The following VMP1 variants were observed in gnomAD, a reference collection of about 807,000 sequenced individuals.
VMP1 encodes ectopic P-granules autophagy protein 3 homolog.
A neutral mutation model predicts 56.0 loss-of-function variants in VMP1; 11 were observed. The ratio of observed to expected loss-of-function variants is 0.20; its 90% CI spans 0.12 to 0.32. The LOEUF (loss-of-function observed/expected upper bound fraction) is 0.32, where lower values mean the gene tolerates loss of function less well. Among genes scored for constraint, VMP1 ranks in the 10% least tolerant of loss-of-function variants. The pLI is 1.00. For missense variants in VMP1, 296 were observed against 490.3 expected (o/e 0.60, Z 3.74); for synonymous variants, 149 against 165.0 (o/e 0.90, Z 0.74).
intron 6 of VMP1, among the ~76,000 whole-genome samples, chr17:59,771,237 A>G (rs150539653): frequency 0.058 from 8,779 of 152,010 alleles, 342 homozygotes; most frequent in Non-Finnish European, 0.091. Flanking sequence ...CAGTGGCACA[A>G]TCACAGCTCA....
intron 7 of VMP1, among the ~76,000 whole-genome samples, chr17:59,781,849 G>A (rs2150879): frequency 0.42 from 63,783 of 151,972 alleles, 15,271 homozygotes; most frequent in Non-Finnish European, 0.54. Flanking sequence ...TTTGTCATAT[G>A]CTGCCAGTAT....
intron 7 of VMP1, among the ~76,000 whole-genome samples, chr17:59,802,481 T>G (rs1246364707): frequency 6.6e-6 from 1 of 152,214 alleles, no homozygotes; most frequent in African/African-American, 2.4e-5. Context: ...TGGAATGGGT[T>G]ATAAAGGCAG....
At chr17:59,728,684 A>ATTAT (rs143800386) in intron 1 of VMP1, among the ~76,000 whole-genome samples, 22,303 of 151,180 alleles carry the variant, frequency 0.15, 2,171 homozygotes, top group African/African-American at 0.28. Context: ...AATAAATGAG[A>ATTAT]TTATTTATTT....
intron 7 of VMP1, among the ~76,000 whole-genome samples, chr17:59,782,334 A>G (rs2036853425): frequency 6.6e-6 from 1 of 152,116 alleles, no homozygotes; most frequent in South Asian, 2.1e-4. Flanking sequence ...CTAATTGTAT[A>G]TTGTTCCAAC....
intron 10 of VMP1, among the ~76,000 whole-genome samples, chr17:59,826,644 AT>A (rs1248370118): frequency 6.6e-6 from 1 of 152,232 alleles, no homozygotes; most frequent in African/African-American, 2.4e-5. Flanking sequence ...TTACATAAAT[AT>A]TCATTTCATA....
At chr17:59,818,301 AG>A (rs2038317870) in intron 10 of VMP1, among the ~76,000 whole-genome samples, 1 of 152,116 alleles carries the variant, frequency 6.6e-6, no homozygotes, top group Non-Finnish European at 1.5e-5. Context: ...TGGGAGGCAG[AG>A]GTTGCAGTGA....
intron 7 of VMP1, among the ~76,000 whole-genome samples, chr17:59,807,019 T>C (rs2037864103): frequency 6.6e-6 from 1 of 151,814 alleles, no homozygotes; most frequent in Non-Finnish European, 1.5e-5. Flanking sequence ...TATTAACTAC[T>C]GTGGTAATTT....
At chr17:59,821,533 A>G (rs1055627298) in intron 10 of VMP1, among the ~76,000 whole-genome samples, 1 of 120,338 alleles carries the variant, frequency 8.3e-6, no homozygotes, top group Non-Finnish European at 1.6e-5. Flanking sequence ...TACCTCAGCT[A>G]CTTTTCTTTT....
intron 7 of VMP1, among the ~76,000 whole-genome samples, chr17:59,781,778 A>T (rs1048257436): frequency 3.3e-5 from 5 of 152,152 alleles, no homozygotes; most frequent in Non-Finnish European, 4.4e-5. Context: ...ACAGGTGCAT[A>T]TATCTTTTTT....
At chr17:59,783,487 T>A (rs1043348824) in intron 7 of VMP1, among the ~76,000 whole-genome samples, 1 of 152,226 alleles carries the variant, frequency 6.6e-6, no homozygotes, top group African/African-American at 2.4e-5. Flanking sequence ...CCTCTGACCT[T>A]GAGCAATTTT....
chr17:59,737,695 C>T, intron 4 of VMP1, 152 bp downstream of exon 4: 1 of 602,412 alleles, frequency 1.7e-6, no homozygotes, highest in African/African-American at 1.9e-5. Context: ...TAAAGGCATA[C>T]ACTAAAAATA....
intron 3 of VMP1, 194 bp downstream of exon 3, chr17:59,735,667 G>C: frequency 1.7e-6 from 1 of 581,728 alleles, no homozygotes; most frequent in African/African-American, 1.9e-5. Flanking sequence ...ATTGCTATTT[G>C]CTGTTTGCTT....
At chr17:59,835,879 A>G (rs1308024688) in intron 10 of VMP1, among the ~76,000 whole-genome samples, 2 of 148,454 alleles carry the variant, frequency 1.3e-5, no homozygotes, top group African/African-American at 4.9e-5. Flanking sequence ...TATTTAATAT[A>G]TTAAATATTT....
At chr17:59,796,457 C>T (rs1321189955) in intron 7 of VMP1, among the ~76,000 whole-genome samples, 1 of 152,144 alleles carries the variant, frequency 6.6e-6, no homozygotes, top group Non-Finnish European at 1.5e-5. Flanking sequence ...TCTTTGGATT[C>T]TTTATTACCT....
At chr17:59,741,056 G>A (rs916931489) in intron 5 of VMP1, among the ~76,000 whole-genome samples, 7 of 152,160 alleles carry the variant, frequency 4.6e-5, no homozygotes, top group African/African-American at 1.7e-4. Flanking sequence ...TTAGTCGGGT[G>A]TGGTGGCACA....
chr17:59,802,418 C>T (rs930030961), intron 7 of VMP1, among the ~76,000 whole-genome samples: 10 of 151,552 alleles, frequency 6.6e-5, no homozygotes, highest in African/African-American at 2.2e-4. Context: ...ACAATGAAAT[C>T]GCCTAACAAC....
Position 59,743,576 on chromosome 17 carries a change from CTCTCTA to C in VMP1, c.414+4631_414+4636del, listed in dbSNP as rs1442571390. ...AAAAAACTGCTCTCTCTCTCTCTCT[CTCTCTA>C]TATATATATATGCTATATTATATAT... On this transcript the variant is annotated intron_variant, in intron 5 of 11. Transcript: ENST00000262291. Among the ~76,000 whole-genome samples the C allele has an allele frequency of 2.7e-5, 4 of 148,576 alleles. No homozygotes were observed. In the East Asian group the frequency reaches 7.7e-4, roughly 29 times the overall value.
chr17:59,778,400 G>A (rs1198027300), intron 7 of VMP1, among the ~76,000 whole-genome samples: 1 of 151,994 alleles, frequency 6.6e-6, no homozygotes, highest in Non-Finnish European at 1.5e-5. Context: ...AAAATTAGCT[G>A]GGCATGGTAG....
chr17:59,796,573 C>T (rs1228279699), intron 7 of VMP1, among the ~76,000 whole-genome samples: 1 of 152,108 alleles, frequency 6.6e-6, no homozygotes, highest in Non-Finnish European at 1.5e-5. Context: ...ATTGAGTGTG[C>T]ACAAAAAGTA....
Sources: allele counts gnomAD v4.1 joint callset (sites outside exome capture counted in the v4.1 genomes callset), GRCh38; gene constraint gnomAD v4.1.1; transcripts MANE v1.5; gene names NCBI Gene and HGNC (gene_info 2026-07-23, HGNC 2026-07-21).